Variants in PTPN11 observed in about 807,000 individuals in gnomAD.
PTPN11 encodes protein tyrosine phosphatase non-receptor type 11, also known as tyrosine-protein phosphatase non-receptor type 11.
Under a neutral mutation model 78.8 loss-of-function variants are expected in PTPN11, and 6 were observed. The ratio of observed to expected loss-of-function variants is 0.08; its 90% CI spans 0.04 to 0.15. PTPN11 has a LOEUF of 0.15. Among genes scored for constraint, PTPN11 ranks in the 10% least tolerant of loss-of-function variants. PTPN11 has a pLI of 1.00. For synonymous variants in PTPN11, 221 were observed against 263.5 expected, an observed-to-expected ratio of 0.84 and a Z score of 1.56; for missense variants, 386 against 744.8, an observed-to-expected ratio of 0.52 and a Z score of 5.61.
chr12:112,447,080 G>T (rs1243181375), intron 2 of PTPN11, among the ~76,000 whole-genome samples: 2 of 151,552 alleles, frequency 1.3e-5, no homozygotes, highest in Admixed American at 1.3e-4. Flanking sequence ...TATTACCAAG[G>T]CTGATCTTTA....
At chr12:112,437,139 C>T (rs760085160) in intron 1 of PTPN11, among the ~76,000 whole-genome samples, 3 of 151,716 alleles carry the variant, frequency 2.0e-5, no homozygotes, top group African/African-American at 2.4e-5. Context: ...TCATCTTTTA[C>T]GTTTATTATT....
rs184804143 is a variant in PTPN11, at chr12:112,454,556, C to A, written c.526-8C>A. 1.3e-3 allele frequency: 2,078 copies of A among 1,595,796 alleles called. 4 individuals carry two copies. The highest frequency in any genetic ancestry group is 1.7e-3 in the Non-Finnish European group (1,980 of 1,164,018). On this transcript the variant is annotated splice_polypyrimidine_tract_variant and splice_region_variant and intron_variant, in intron 4 of 15. Coordinates refer to ENST00000351677, the MANE Select transcript of PTPN11 (RefSeq NM_002834.5). ...CAAATAATAAATGTCATGTGTTTAT[C>A]TTGAAAGGAACTGAAATACGACGTT...
chr12:112,482,250 G>T lies in PTPN11; in HGVS notation c.1224+45G>T. ...CTAGAGACTTTGGGAACTGTTGATGGTGTGTAGGAATTCAGGGTCTTGCCG... is the reference window on the plus strand; with the variant it reads ...CTAGAGACTTTGGGAACTGTTGATGTTGTGTAGGAATTCAGGGTCTTGCCG... On this transcript the variant is annotated intron_variant, in intron 10 of 15. Transcript: ENST00000351677. This position sits in a 1 kb window ranked among gnomAD's most constrained non-coding sequence, Gnocchi z 4.4. The T allele has an allele frequency of 6.3e-7, 1 of 1,595,774 alleles. No homozygotes were observed. The highest frequency in any genetic ancestry group is 8.6e-7 in the Non-Finnish European group (1 of 1,165,178).
At position 112,509,517 on chromosome 12, in the gene PTPN11, GA is replaced by G. The variant is rs1221617589; in HGVS notation, c.*3727del. 6.6e-6 allele frequency: 1 copy of G among 152,578 alleles called. No individual in the cohort carries two copies. Among genetic ancestry groups the G allele is most frequent in the African/African-American group, 2.4e-5 (1 of 41,432 alleles). The allele number at this position is 152,578 out of a possible 1,614,324, so 9.5% of individuals were successfully genotyped here. On this transcript the variant is annotated 3_prime_UTR_variant, in exon 16 of 16. Coordinates refer to ENST00000351677, the MANE Select transcript of PTPN11 (RefSeq NM_002834.5). The stretch of plus-strand genomic sequence containing the variant: ...TACAATTAATTTTCCTGCAGTATAT[GA>G]AGTATTGTACCAGAGTATTAAAAGA...
rs897754290 is a variant in PTPN11, at chr12:112,425,247, T to TG, written c.14+6130dup. On this transcript the variant is annotated intron_variant, in intron 1 of 15. Coordinates refer to ENST00000351677, the MANE Select transcript of PTPN11 (RefSeq NM_002834.5). The stretch of plus-strand genomic sequence containing the variant: ...TGGAGACAACTGAAATGTTCATCAG[T>TG]GGGGGGGGCTAGTTAAATGAAATAC... Among the ~76,000 whole-genome samples, 186 of 151,612 alleles carry TG rather than the reference T, an allele frequency of 1.2e-3. 1 individual carries two copies. The highest frequency in any genetic ancestry group is 2.1e-3 in the African/African-American group (86 of 41,348).
At chr12:112,446,807 C>T (rs1221625127) in intron 2 of PTPN11, among the ~76,000 whole-genome samples, 6 of 151,864 alleles carry the variant, frequency 4.0e-5, no homozygotes, top group Admixed American at 3.9e-4. Context: ...GAACTTCTGG[C>T]CTCAAGCAAT....
At chr12:112,481,736 C>T (rs1302930037) in intron 9 of PTPN11, among the ~76,000 whole-genome samples, 1 of 152,158 alleles carries the variant, frequency 6.6e-6, no homozygotes, top group Non-Finnish European at 1.5e-5. Context: ...AAGTGATCTG[C>T]CCGCCTCGGC....
At chr12:112,433,274 A>C (rs2037740547) in intron 1 of PTPN11, among the ~76,000 whole-genome samples, 1 of 152,192 alleles carries the variant, frequency 6.6e-6, no homozygotes, top group African/African-American at 2.4e-5. Context: ...AGTATTCAGT[A>C]CAGTAGCATG....
intron 1 of PTPN11, among the ~76,000 whole-genome samples, chr12:112,442,830 T>TTA (rs71086107): frequency 0.07 from 3,010 of 43,038 alleles, 165 homozygotes; most frequent in Non-Finnish European, 0.13. Context: ...CTCTCTCTTT[T>TTA]TATATATATA....
intron 2 of PTPN11, among the ~76,000 whole-genome samples, chr12:112,449,243 C>T (rs926133450): frequency 3.2e-4 from 48 of 151,224 alleles, no homozygotes; most frequent in African/African-American, 1.1e-3. Flanking sequence ...TGGCTCACGC[C>T]TGTAATCCCA....
chr12:112,493,383 AT>A (rs60572157), intron 13 of PTPN11, among the ~76,000 whole-genome samples: 5,023 of 130,576 alleles, frequency 0.038, 146 homozygotes, highest in African/African-American at 0.1. Flanking sequence ...TTAAGTGTAC[AT>A]TTTTTTTTTT....
rs2135862932 is a variant in PTPN11 at position 112,450,482 on chromosome 12, C to G, written c.302C>G (p.Pro101Arg). The G allele has an allele frequency of 6.2e-7, 1 of 1,614,028 alleles. No individual in the cohort carries two copies. Among genetic ancestry groups the G allele is most frequent in the Non-Finnish European group, 8.5e-7 (1 of 1,179,950 alleles). ...KNGDVIELKY[P>R]LNCADPTSER... ...GGAGATGTCATTGAGCTTAAATATCCTCTGAACTGTGCAGATCCTACCTCT... is the reference window on the plus strand; with the variant it reads ...GGAGATGTCATTGAGCTTAAATATCGTCTGAACTGTGCAGATCCTACCTCT... The change falls in exon 3 of 16, where the codon CCT becomes CGT. Residue 101 changes from proline (P) to arginine (R), a missense_variant. Transcript: ENST00000351677.
At chr12:112,493,577 T>G (rs1365823031) in intron 13 of PTPN11, among the ~76,000 whole-genome samples, 1 of 151,704 alleles carries the variant, frequency 6.6e-6, no homozygotes, top group African/African-American at 2.4e-5. Context: ...TTAGTAGAGA[T>G]GGGGGTTCAC....
At chr12:112,497,090 T>G (rs527835675) in intron 13 of PTPN11, among the ~76,000 whole-genome samples, 1 of 150,622 alleles carries the variant, frequency 6.6e-6, no homozygotes, top group African/African-American at 2.5e-5. Flanking sequence ...GAGAATCACT[T>G]GAACCTGGGA....
chr12:112,429,797 C>T (rs11066295), intron 1 of PTPN11, among the ~76,000 whole-genome samples: 12 of 145,690 alleles, frequency 8.2e-5, no homozygotes, highest in African/African-American at 1.8e-4. Context: ...AGCAGGACTC[C>T]GTCTCAAAAA....
At chr12:112,499,564 T>C (rs923427230) in intron 13 of PTPN11, among the ~76,000 whole-genome samples, 1 of 152,020 alleles carries the variant, frequency 6.6e-6, no homozygotes, top group African/African-American at 2.4e-5. Flanking sequence ...TGTCTTGAAC[T>C]CCTAACCTCA....
intron 13 of PTPN11, among the ~76,000 whole-genome samples, chr12:112,493,139 A>G (rs2038773668): frequency 6.6e-6 from 1 of 150,688 alleles, no homozygotes; most frequent in South Asian, 2.1e-4. Flanking sequence ...GCTCATTACA[A>G]CCTCCACCTC....
intron 3 of PTPN11, among the ~76,000 whole-genome samples, chr12:112,452,368 A>C (rs2038090860): frequency 2.0e-5 from 3 of 152,102 alleles, no homozygotes; most frequent in Non-Finnish European, 4.4e-5. Flanking sequence ...CTGGGATTAC[A>C]GGCACTTGCC....
chr12:112,434,122 T>A (rs1159410896), intron 1 of PTPN11, among the ~76,000 whole-genome samples: 1 of 150,276 alleles, frequency 6.7e-6, no homozygotes. Flanking sequence ...CTACAAAAAA[T>A]AAAAAAAATT....
Sources: gnomAD v4.1 joint callset for allele counts (sites outside exome capture counted in the v4.1 genomes callset) on GRCh38, gnomAD v4.1.1 for gene constraint, Gnocchi (gnomAD v3.1) non-coding constraint, MANE v1.5 for transcripts, NCBI Gene and HGNC (gene_info 2026-07-23, HGNC 2026-07-21) for gene names.